Variants in SMYD2 observed in about 807,000 individuals in gnomAD.
The protein encoded by SMYD2 is SET and MYND domain containing 2.
SMYD2 carries 53 observed loss-of-function variants against 59.1 expected under a neutral mutation model. That is an observed-to-expected ratio of 0.90 (90% CI 0.72 to 1.13). The LOEUF is 1.13. Ranked by LOEUF, SMYD2 falls within the 50% of genes most tolerant of loss-of-function variation. The pLI is 0.00. For missense variants in SMYD2, 494 were observed against 544.7 expected (o/e 0.91, Z 0.93); for synonymous variants, 208 against 198.8 (o/e 1.05, Z -0.39).
chr1:214,332,290 C>T, intron 10 of SMYD2, 98 bp downstream of exon 10: 2 of 1,402,108 alleles, frequency 1.4e-6, no homozygotes, highest in Non-Finnish European at 1.9e-6. Context: ...TGAGACTTGC[C>T]TAGCGCAGCT....
At chr1:214,329,217 C>A (rs1343026628) in intron 7 of SMYD2, among the ~76,000 whole-genome samples, 1 of 152,124 alleles carries the variant, frequency 6.6e-6, no homozygotes, top group Non-Finnish European at 1.5e-5. Flanking sequence ...ACCCCATTCC[C>A]CAGGGTTTCG....
rs1444420669 is a variant in SMYD2 at position 214,302,679 on chromosome 1, A to C, written c.174-2508A>C. Among the ~76,000 whole-genome samples, 6 of 152,288 alleles carry C rather than the reference A, an allele frequency of 3.9e-5. No homozygotes were observed. The East Asian group carries it at 1.2e-3, about 29-fold the overall frequency. The stretch of plus-strand genomic sequence containing the variant: ...TGACGAGCTGGTTCAAATGAAGGCC[A>C]GCCTTTGGTAGAGGTATTATTTTGA... On this transcript the variant is annotated intron_variant, in intron 1 of 11. Transcript: ENST00000366957.
intron 1 of SMYD2, among the ~76,000 whole-genome samples, chr1:214,295,587 T>C (rs1036944881): frequency 4.6e-5 from 7 of 152,176 alleles, no homozygotes; most frequent in African/African-American, 7.2e-5. Flanking sequence ...GCCCTAAATA[T>C]TTCCTGCCTC....
intron 3 of SMYD2, among the ~76,000 whole-genome samples, chr1:214,316,641 T>C (rs1657090348): frequency 6.6e-6 from 1 of 152,172 alleles, no homozygotes; most frequent in African/African-American, 2.4e-5. Flanking sequence ...CAAGTTAGGA[T>C]CCTGGGCTGT....
At chr1:214,314,197 G>A (rs1264018049) in intron 2 of SMYD2, among the ~76,000 whole-genome samples, 1 of 151,758 alleles carries the variant, frequency 6.6e-6, no homozygotes, top group Non-Finnish European at 1.5e-5. Flanking sequence ...AGGAAAGAAA[G>A]AATACTACTG....
intron 1 of SMYD2, among the ~76,000 whole-genome samples, chr1:214,290,289 T>A (rs532055759): frequency 6.6e-6 from 1 of 152,210 alleles, no homozygotes; most frequent in African/African-American, 2.4e-5. Context: ...GCTGTGTCTC[T>A]CAGATTCTTT....
In SMYD2 at chr1:214,318,378, C is replaced by T. The variant is rs1347757816; in HGVS notation, c.409+239C>T. Among the ~76,000 whole-genome samples the T allele has an allele frequency of 6.6e-6, 1 of 152,214 alleles. No individual in the cohort carries two copies. Among genetic ancestry groups the T allele is most frequent in the African/African-American group, 2.4e-5 (1 of 41,460 alleles). On this transcript the variant is annotated intron_variant, in intron 4 of 11. Transcript: ENST00000366957. This position sits in a 1 kb window ranked among gnomAD's most constrained non-coding sequence, Gnocchi z 5.4. ...TAGGAGCTCCCAAAATGAATTATTGCACCCTGAGCTACCTCCTGCTGGCCC... is the reference window on the plus strand; with the variant it reads ...TAGGAGCTCCCAAAATGAATTATTGTACCCTGAGCTACCTCCTGCTGGCCC...
chr1:214,318,038 T>TA lies in SMYD2; in HGVS notation c.349-35dup, dbSNP rs1275962736. 2 of 1,574,248 alleles carry TA rather than the reference T, an allele frequency of 1.3e-6. No homozygotes were observed. The highest frequency in any genetic ancestry group is 1.7e-6 in the Non-Finnish European group (2 of 1,146,684). On this transcript the variant is annotated intron_variant, in intron 3 of 11. Coordinates refer to ENST00000366957, the MANE Select transcript of SMYD2 (RefSeq NM_020197.3). The surrounding 1 kb of genome is among the most constrained non-coding windows in gnomAD (Gnocchi z 5.4). ...AGTGCCACTTTATTACACTGGTTGT[T>TA]AAAAAATCTGTATCTGTGTGATTTC...
chr1:214,324,105 G>C (rs1180774517), intron 5 of SMYD2, among the ~76,000 whole-genome samples: 2 of 151,798 alleles, frequency 1.3e-5, no homozygotes, highest in Non-Finnish European at 2.9e-5. Flanking sequence ...TTTTGTATTT[G>C]TATTTTTTTT....
intron 6 of SMYD2, among the ~76,000 whole-genome samples, chr1:214,326,237 C>CA (rs35269144): frequency 2.1e-3 from 188 of 90,670 alleles, no homozygotes; most frequent in Middle Eastern, 0.015. Flanking sequence ...GACTCCATCT[C>CA]AAAAAAAAAA....
chr1:214,335,669 C>T (rs554860715), intron 11 of SMYD2, among the ~76,000 whole-genome samples: 3 of 152,296 alleles, frequency 2.0e-5, no homozygotes, highest in East Asian at 1.9e-4. Flanking sequence ...GTATGCCAGG[C>T]GCTGTTCGAA....
At chr1:214,326,509 T>G (rs1657264620) in intron 6 of SMYD2, among the ~76,000 whole-genome samples, 1 of 152,136 alleles carries the variant, frequency 6.6e-6, no homozygotes, top group Non-Finnish European at 1.5e-5. Flanking sequence ...GGGCATCACT[T>G]TCCAGGAAGC....
At chr1:214,284,718 G>A (rs1656507964) in intron 1 of SMYD2, among the ~76,000 whole-genome samples, 1 of 152,200 alleles carries the variant, frequency 6.6e-6, no homozygotes, top group East Asian at 1.9e-4. Context: ...GTTTCATCAT[G>A]TTGGCCAGGC....
chr1:214,292,655 A>G (rs983136636), intron 1 of SMYD2, among the ~76,000 whole-genome samples: 6 of 152,158 alleles, frequency 3.9e-5, no homozygotes, highest in African/African-American at 1.4e-4. Flanking sequence ...TTAATATGCA[A>G]CTGTTCATTC....
chr1:214,295,483 C>T (rs1656709680), intron 1 of SMYD2, among the ~76,000 whole-genome samples: 1 of 152,142 alleles, frequency 6.6e-6, no homozygotes, highest in South Asian at 2.1e-4. Context: ...ATAACTAGGT[C>T]AGCCATTACT....
chr1:214,328,318 G>A (rs1001876238), intron 7 of SMYD2, among the ~76,000 whole-genome samples: 8 of 152,168 alleles, frequency 5.3e-5, no homozygotes, highest in African/African-American at 1.7e-4. Context: ...AAAAGTCCAG[G>A]TATATGCAGT....
intron 7 of SMYD2, among the ~76,000 whole-genome samples, chr1:214,329,096 G>C (rs959116849): frequency 1.3e-5 from 2 of 152,226 alleles, no homozygotes; most frequent in African/African-American, 4.8e-5. Context: ...GGCAGGGCAG[G>C]GGTGGCTGCA....
In SMYD2 at chr1:214,312,545, A is replaced by G. The variant is rs1016290911; in HGVS notation, c.238-2217A>G. Among the ~76,000 whole-genome samples, 7 of 152,212 alleles carry G rather than the reference A, an allele frequency of 4.6e-5. No homozygotes were observed. The highest frequency in any genetic ancestry group is 7.2e-5 in the African/African-American group (3 of 41,440). On this transcript the variant is annotated intron_variant, in intron 2 of 11. Coordinates refer to ENST00000366957, the MANE Select transcript of SMYD2 (RefSeq NM_020197.3). This position sits in a 1 kb window ranked among gnomAD's most constrained non-coding sequence, Gnocchi z 4.1. ...TTCTGACAGGGTGATTGTGGCAGGT[A>G]TCTTGAGAAGGTGACATTCCAGCAG...
chr1:214,300,742 C>T (rs557642747), intron 1 of SMYD2, among the ~76,000 whole-genome samples: 2 of 152,200 alleles, frequency 1.3e-5, no homozygotes, highest in African/African-American at 4.8e-5. Flanking sequence ...ATTCTGCCAC[C>T]TAGTTGCAGA....
Sources: gnomAD v4.1 joint callset for allele counts (sites outside exome capture counted in the v4.1 genomes callset) on GRCh38, gnomAD v4.1.1 for gene constraint, Gnocchi (gnomAD v3.1) non-coding constraint, MANE v1.5 for transcripts, NCBI Gene and HGNC (gene_info 2026-07-23, HGNC 2026-07-21) for gene names.